The following TMEM132D variants were observed in gnomAD, a reference collection of about 807,000 sequenced individuals.
TMEM132D encodes the protein transmembrane protein 132D, also known as mature OL transmembrane protein.
In TMEM132D, 21 loss-of-function variants were observed where a neutral mutation model predicts 62.3. The ratio of observed to expected loss-of-function variants is 0.34; its 90% CI spans 0.24 to 0.49. The LOEUF is 0.49. TMEM132D is among the 20% of genes least tolerant of loss of function. TMEM132D has a pLI of 0.99. For synonymous variants in TMEM132D, 621 were observed against 575.6 expected, an observed-to-expected ratio of 1.08 and a Z score of -1.13; for missense variants, 1,346 against 1,402.8, an observed-to-expected ratio of 0.96 and a Z score of 0.65.
rs150799964 is a variant in TMEM132D at position 129,277,418 on chromosome 12, G to A, written c.1299+60216C>T. On this transcript the variant is annotated intron_variant, in intron 4 of 8. Transcript: ENST00000422113. The surrounding 1 kb of genome is among the most constrained non-coding windows in gnomAD (Gnocchi z 4.2). ...AAAGAATTTCAATATTAAATTTGTC[G>A]AGGAAAGAAAAGGATACCATTTCAA... Among the ~76,000 whole-genome samples the A allele has an allele frequency of 2.4e-4, 37 of 152,286 alleles. No individual in the cohort carries two copies. Among genetic ancestry groups the A allele is most frequent in the Middle Eastern group, 6.8e-3 (2 of 294 alleles).
At chr12:129,810,257 T>TA (rs534698298) in intron 1 of TMEM132D, among the ~76,000 whole-genome samples, 76 of 152,186 alleles carry the variant, frequency 5.0e-4, no homozygotes, top group Admixed American at 1.5e-3. Context: ...TTTGGAAGAT[T>TA]AAAAAAATCA....
Position 129,813,611 on chromosome 12 carries a change from G to GATATATATATATATATATAT in TMEM132D, c.79+89630_79+89649dup, listed in dbSNP as rs3046846. 2.8e-3 allele frequency among the ~76,000 whole-genome samples: 384 copies of GATATATATATATATATATAT among 136,556 alleles called. 8 individuals carry two copies. The highest frequency in any genetic ancestry group is 0.017 in the Admixed American group (220 of 13,140). The allele number at this position is 136,556 out of a possible 152,430, so 89.6% of individuals were successfully genotyped here. ...AAGGATGGACGGATACAGAAAATGTGATATATATATATATATATATTTTCA... is the reference window on the plus strand; with the variant it reads ...AAGGATGGACGGATACAGAAAATGTGATATATATATATATATATATATATATATATATATATATATTTTCA... On this transcript the variant is annotated intron_variant, in intron 1 of 8. Transcript: ENST00000422113.
intron 5 of TMEM132D, among the ~76,000 whole-genome samples, chr12:129,200,427 C>T (rs1380197051): frequency 1.3e-5 from 2 of 152,152 alleles, no homozygotes; most frequent in African/African-American, 4.8e-5. Flanking sequence ...CAGTCTGCTC[C>T]CTGAGAACTC....
intron 1 of TMEM132D, among the ~76,000 whole-genome samples, chr12:129,713,856 A>C (rs1428126493): frequency 6.6e-6 from 1 of 152,178 alleles, no homozygotes; most frequent in African/African-American, 2.4e-5. Flanking sequence ...AAGAATTTGC[A>C]TTCTAACAAG....
At chr12:129,445,076 A>C (rs2135723307) in intron 3 of TMEM132D, among the ~76,000 whole-genome samples, 1 of 152,358 alleles carries the variant, frequency 6.6e-6, no homozygotes, top group African/African-American at 2.4e-5. Context: ...ACATGGAATC[A>C]ACCTAAATAT....
chr12:129,594,061 C>T (rs1303720301), intron 2 of TMEM132D, among the ~76,000 whole-genome samples: 1 of 152,146 alleles, frequency 6.6e-6, no homozygotes, highest in Non-Finnish European at 1.5e-5. Context: ...TTCTGGCTTC[C>T]GTGGTTCCTG....
At chr12:129,443,422 C>T (rs996238379) in intron 3 of TMEM132D, among the ~76,000 whole-genome samples, 2 of 152,164 alleles carry the variant, frequency 1.3e-5, no homozygotes, top group Non-Finnish European at 2.9e-5. Flanking sequence ...ACACTCTGAT[C>T]TGATGATAAA....
chr12:129,675,937 C>T (rs552921787), intron 2 of TMEM132D, among the ~76,000 whole-genome samples: 4 of 152,344 alleles, frequency 2.6e-5, no homozygotes, highest in Middle Eastern at 3.4e-3. Flanking sequence ...TCAGCAAACT[C>T]GGGCTCTCTT....
intron 4 of TMEM132D, among the ~76,000 whole-genome samples, chr12:129,310,099 T>C (rs910409334): frequency 1.3e-5 from 2 of 151,444 alleles, no homozygotes; most frequent in Admixed American, 1.3e-4. Context: ...AAGGAAAATC[T>C]AGATGAGGGC....
chr12:129,606,074 A>G (rs1004999637), intron 2 of TMEM132D, among the ~76,000 whole-genome samples: 1 of 152,148 alleles, frequency 6.6e-6, no homozygotes, highest in African/African-American at 2.4e-5. Flanking sequence ...AAAATAAAAC[A>G]AAAAAGACAC....
chr12:129,831,807 T>G (rs1412859222), intron 1 of TMEM132D, among the ~76,000 whole-genome samples: 1 of 151,970 alleles, frequency 6.6e-6, no homozygotes, highest in African/African-American at 2.4e-5. Context: ...CCAGGCTGTT[T>G]GTGCATGACC....
At chr12:129,742,700 G>A (rs939733784) in intron 1 of TMEM132D, among the ~76,000 whole-genome samples, 8 of 152,098 alleles carry the variant, frequency 5.3e-5, no homozygotes, top group Non-Finnish European at 1.0e-4. Flanking sequence ...CTACGTCCCT[G>A]GTGTGCCTGT....
chr12:129,864,246 C>T (rs964488088), intron 1 of TMEM132D, among the ~76,000 whole-genome samples: 6 of 152,202 alleles, frequency 3.9e-5, no homozygotes, highest in African/African-American at 1.4e-4. Context: ...TCTCCAGCCC[C>T]TGTCAGGCCT....
intron 6 of TMEM132D, among the ~76,000 whole-genome samples, chr12:129,082,334 T>C (rs1438739759): frequency 6.6e-6 from 1 of 152,214 alleles, no homozygotes; most frequent in Non-Finnish European, 1.5e-5. Context: ...ACCTAGTTTC[T>C]TTCATCCAAT....
At chr12:129,532,328 T>C (rs10744423) in intron 2 of TMEM132D, among the ~76,000 whole-genome samples, 99,554 of 151,954 alleles carry the variant, frequency 0.66, 32,951 homozygotes, top group African/African-American at 0.74. Context: ...TATATAAACA[T>C]GCAGTAAGGC....
At chr12:129,160,436 T>C (rs964090915) in intron 5 of TMEM132D, among the ~76,000 whole-genome samples, 1 of 152,214 alleles carries the variant, frequency 6.6e-6, no homozygotes. Flanking sequence ...TTAGTTTGCA[T>C]TAGTAGGTGA....
chr12:129,146,707 G>C (rs1006227112), intron 5 of TMEM132D, among the ~76,000 whole-genome samples: 8 of 152,114 alleles, frequency 5.3e-5, no homozygotes, highest in African/African-American at 1.9e-4. Context: ...TGCTTACCCA[G>C]CTGGCAAACT....
chr12:129,551,078 G>C (rs144001491), intron 2 of TMEM132D, among the ~76,000 whole-genome samples: 86 of 152,302 alleles, frequency 5.6e-4, no homozygotes, highest in African/African-American at 1.8e-3. Flanking sequence ...TCCCAGGCAA[G>C]AGCCAGCCTC....
At chr12:129,252,934 C>T (rs546129165) in intron 4 of TMEM132D, among the ~76,000 whole-genome samples, 6 of 151,076 alleles carry the variant, frequency 4.0e-5, no homozygotes, top group South Asian at 2.1e-4. Context: ...AGGAAACTAT[C>T]GCAAGGACAA....
Sources: gnomAD v4.1 joint callset for allele counts (sites outside exome capture counted in the v4.1 genomes callset) on GRCh38, gnomAD v4.1.1 for gene constraint, Gnocchi (gnomAD v3.1) non-coding constraint, MANE v1.5 for transcripts, NCBI Gene and HGNC (gene_info 2026-07-23, HGNC 2026-07-21) for gene names.